Variants in PNO1 observed in about 807,000 individuals in gnomAD.
The protein encoded by PNO1 is RNA-binding protein PNO1.
In PNO1, 16 loss-of-function variants were observed where a neutral mutation model predicts 28.4. That is an observed-to-expected ratio of 0.56 (90% CI 0.38 to 0.85). PNO1 has a LOEUF of 0.85. Ranked by LOEUF, PNO1 falls within the 40% of genes least tolerant of loss-of-function variation. The pLI is 0.00. For synonymous variants in PNO1, 115 were observed against 110.8 expected (o/e 1.04, Z -0.24); for missense variants, 304 against 312.2 (o/e 0.97, Z 0.20).
At chr2:68,172,409 G>T (rs1674154614) in intron 5 of PNO1, among the ~76,000 whole-genome samples, 2 of 152,290 alleles carry the variant, frequency 1.3e-5, no homozygotes, top group South Asian at 4.1e-4. Flanking sequence ...TCTGGCCTTA[G>T]TTGAAGCCAG....
chr2:68,159,515 A>G (rs957947375), intron 2 of PNO1, among the ~76,000 whole-genome samples: 2 of 152,050 alleles, frequency 1.3e-5, no homozygotes, highest in Non-Finnish European at 2.9e-5. Context: ...CTATGTATAT[A>G]TTTTAAATTC....
At chr2:68,165,575 A>G (rs1673973855) in intron 5 of PNO1, among the ~76,000 whole-genome samples, 1 of 144,470 alleles carries the variant, frequency 6.9e-6, no homozygotes, top group Non-Finnish European at 1.5e-5. Context: ...ACGGCTGGGC[A>G]TGGTGCCTCA....
rs1354921974 is a variant in PNO1 at position 68,173,343 on chromosome 2, T to G, written c.621-4T>G. On this transcript the variant is annotated splice_polypyrimidine_tract_variant and splice_region_variant and intron_variant, in intron 5 of 6. Transcript: ENST00000263657. The stretch of plus-strand genomic sequence containing the variant: ...ACTAATTTGTCTCATTTTATTTCTT[T>G]CAGGAAAGTTCACATCCTTGGCTCC... 6.3e-7 allele frequency: 1 copy of G among 1,582,134 alleles called. No individual in the cohort carries two copies. The highest frequency in any genetic ancestry group is 8.7e-7 in the Non-Finnish European group (1 of 1,151,340).
chr2:68,162,583 A>G lies in PNO1; in HGVS notation c.540A>G (p.Ile180Met). 1 of 1,613,906 alleles carries G rather than the reference A, an allele frequency of 6.2e-7. No individual in the cohort carries two copies. Among genetic ancestry groups the G allele is most frequent in the Non-Finnish European group, 8.5e-7 (1 of 1,179,752 alleles). ...AGGGAGACCATCTATCCAGGGCAAT[A>G]GGAAGAATCGCTGGCAAAGGAGGAA... is the stretch of plus-strand genomic sequence containing the variant. ...PLKGDHLSRA[I>M]GRIAGKGGKT... The change falls in exon 5 of 7, where the codon ATA becomes ATG. Residue 180 changes from isoleucine (I) to methionine (M), a missense_variant. By Grantham distance (10) the Ile-to-Met change is conservative. Transcript: ENST00000263657.
At chr2:68,172,470 T>C (rs1180361800) in intron 5 of PNO1, among the ~76,000 whole-genome samples, 1 of 152,212 alleles carries the variant, frequency 6.6e-6, no homozygotes, top group Non-Finnish European at 1.5e-5. Flanking sequence ...CTTTAGCTGA[T>C]TTGTACAGGG....
Position 68,158,381 on chromosome 2 carries a change from G to A in PNO1, c.209G>A (p.Ser70Asn). The change falls in exon 2 of 7, where the codon AGT becomes AAT. Residue 70 changes from serine to asparagine, a missense_variant and splice_region_variant. Ser to Asn is a conservative substitution (Grantham distance 46). Transcript: ENST00000263657. The stretch of plus-strand genomic sequence containing the variant: ...AGTTGTGTGTTCTTTTATTTACAGA[G>A]TGGGAAAGAAGAAACAAGGAAAATT... ...FPPLCGDGLLSGKEETRKIPV... is the reference protein window; with the variant it reads ...FPPLCGDGLLNGKEETRKIPV... The A allele has an allele frequency of 6.2e-7, 1 of 1,609,234 alleles. No individual in the cohort carries two copies. The highest frequency in any genetic ancestry group is 1.1e-5 in the South Asian group (1 of 90,308).
At chr2:68,163,300 G>A (rs6761881) in intron 5 of PNO1, among the ~76,000 whole-genome samples, 7,448 of 152,238 alleles carry the variant, frequency 0.049, 582 homozygotes, top group African/African-American at 0.17. Context: ...GGGAGGCTGA[G>A]GCGGGCGGAT....
At chr2:68,166,879 G>GC (rs1406667771) in intron 5 of PNO1, among the ~76,000 whole-genome samples, 1 of 152,034 alleles carries the variant, frequency 6.6e-6, no homozygotes, top group Non-Finnish European at 1.5e-5. Flanking sequence ...AATTCCTCTG[G>GC]CATAGTGTCT....
intron 5 of PNO1, among the ~76,000 whole-genome samples, chr2:68,170,104 C>G (rs945717743): frequency 6.6e-6 from 1 of 152,228 alleles, no homozygotes; most frequent in African/African-American, 2.4e-5. Context: ...GTTGGAAATC[C>G]ACGTTTAACA....
chr2:68,160,506 C>T (rs1340949793), intron 2 of PNO1, among the ~76,000 whole-genome samples: 1 of 152,186 alleles, frequency 6.6e-6, no homozygotes, highest in Admixed American at 6.5e-5. Context: ...ATCTTCAGTG[C>T]CTAAACTTTT....
intron 1 of PNO1, 84 bp downstream of exon 1, chr2:68,158,225 G>C: frequency 7.0e-7 from 1 of 1,433,294 alleles, no homozygotes; most frequent in Non-Finnish European, 9.5e-7. Context: ...TGTTGAAGCT[G>C]CGGTGGGGCT....
intron 5 of PNO1, among the ~76,000 whole-genome samples, chr2:68,169,223 C>T (rs775327960): frequency 7.2e-5 from 11 of 152,150 alleles, no homozygotes; most frequent in Non-Finnish European, 2.9e-5. Flanking sequence ...GCCACTGCGC[C>T]TGGCCAGTTC....
intron 5 of PNO1, among the ~76,000 whole-genome samples, chr2:68,165,256 T>G (rs951094407): frequency 1.3e-5 from 2 of 148,198 alleles, no homozygotes; most frequent in Non-Finnish European, 3.0e-5. Flanking sequence ...CCCAGCTACT[T>G]GGGAGGCTGA....
chr2:68,161,689 A>G lies in PNO1; in HGVS notation c.364A>G (p.Lys122Glu). The change falls in exon 3 of 7, where the codon AAA (lysine) becomes GAA (glutamate). Residue 122 changes from lysine to glutamate, a missense_variant. Transcript: ENST00000263657. ...CTTTTTTGTTTTTTAACAGACTTGT[A>G]AAGAAACCAAGGATGTTAGTGCTCT... Reference protein sequence around the residue: ...KSRNVEIRTCKETKDVSALTK... With the variant: ...KSRNVEIRTCEETKDVSALTK... 2.5e-6 allele frequency: 4 copies of G among 1,607,030 alleles called. No individual in the cohort carries two copies. The highest frequency in any genetic ancestry group is 2.6e-6 in the Non-Finnish European group (3 of 1,173,976).
intron 5 of PNO1, among the ~76,000 whole-genome samples, chr2:68,170,292 CTG>C (rs1332959426): frequency 6.6e-6 from 1 of 152,210 alleles, no homozygotes; most frequent in African/African-American, 2.4e-5. Flanking sequence ...GATGTTGCCT[CTG>C]TGTCTTGAAG....
chr2:68,163,534 TAAA>T (rs1673891497), intron 5 of PNO1, among the ~76,000 whole-genome samples: 1 of 147,006 alleles, frequency 6.8e-6, no homozygotes, highest in East Asian at 1.9e-4. Flanking sequence ...CTGTCTCAAA[TAAA>T]TAAATACATA....
At chr2:68,172,788 T>C (rs1056396170) in intron 5 of PNO1, among the ~76,000 whole-genome samples, 1 of 152,216 alleles carries the variant, frequency 6.6e-6, no homozygotes, top group Non-Finnish European at 1.5e-5. Context: ...AATGAGGGCA[T>C]GCATAGAAAG....
chr2:68,173,061 A>G (rs1169841813), intron 5 of PNO1: 13 of 274,836 alleles, frequency 4.7e-5, no homozygotes, highest in Non-Finnish European at 6.7e-6. Context: ...TAGGTAAGGA[A>G]ATGCTTTTTT....
rs375026355 is a variant in PNO1 at position 68,162,571 on chromosome 2, A to C, written c.528A>C (p.Leu176=). 2 of 1,613,566 alleles carry C rather than the reference A, an allele frequency of 1.2e-6. No homozygotes were observed. Residue 176 remains leucine (L), a synonymous_variant, in exon 5 of 7, where the codon CTA becomes CTC. Transcript: ENST00000263657. The part of the protein sequence containing the change: ...TDVKPLKGDH[L]SRAIGRIAGK... ...TTAAACCCCTAAAGGGAGACCATCT[A>C]TCCAGGGCAATAGGAAGAATCGCTG...
Sources: allele counts gnomAD v4.1 joint callset (sites outside exome capture counted in the v4.1 genomes callset), GRCh38; gene constraint gnomAD v4.1.1; transcripts MANE v1.5; gene names NCBI Gene and HGNC (gene_info 2026-07-23, HGNC 2026-07-21).